The following DAG1 variants were observed in gnomAD, a reference collection of about 807,000 sequenced individuals.
DAG1 encodes the protein dystroglycan 1, also known as dystroglycan 1 (dystrophin-associated glycoprotein 1).
A neutral mutation model predicts 46.1 loss-of-function variants in DAG1; 8 were observed. That is an observed-to-expected ratio of 0.17 (90% CI 0.10 to 0.31). The LOEUF (loss-of-function observed/expected upper bound fraction) is 0.31. DAG1 is among the 10% of genes least tolerant of loss of function. DAG1 has a pLI of 1.00. For missense variants in DAG1, 1,003 were observed against 1,189.9 expected, an observed-to-expected ratio of 0.84 and a Z score of 2.31; for synonymous variants, 495 against 481.8, an observed-to-expected ratio of 1.03 and a Z score of -0.36.
At chr3:49,529,992 A>G (rs2051294948) in intron 2 of DAG1, among the ~76,000 whole-genome samples, 1 of 152,186 alleles carries the variant, frequency 6.6e-6, no homozygotes, top group Admixed American at 6.5e-5. Flanking sequence ...TGGTCTCTCC[A>G]AGGGCAGAAG....
rs71080522 is a variant in DAG1 at position 49,479,628 on chromosome 3, CTTTTTTTTTTTT to C, written c.-117+9211_-117+9222del. Among the ~76,000 whole-genome samples, 8 of 47,200 alleles carry C rather than the reference CTTTTTTTTTTTT, an allele frequency of 1.7e-4. No homozygotes were observed. The South Asian group carries it at 4.4e-3, about 26-fold the overall frequency. The allele number at this position is 47,200 out of a possible 152,430, so 31.0% of individuals were successfully genotyped here. On this transcript the variant is annotated intron_variant, in intron 1 of 2. Transcript: ENST00000308775. ...CTGCGCCGGCCTGAATATAACATTT[CTTTTTTTTTTTT>C]TTTTTTTTTTTTTTTGAGACCGAGT...
At chr3:49,528,760 T>C (rs921819710) in intron 2 of DAG1, among the ~76,000 whole-genome samples, 1 of 152,094 alleles carries the variant, frequency 6.6e-6, no homozygotes, top group Non-Finnish European at 1.5e-5. Flanking sequence ...GTTGATGCAA[T>C]GTGGTATCAC....
chr3:49,477,953 A>T (rs2049729219), intron 1 of DAG1, among the ~76,000 whole-genome samples: 1 of 147,040 alleles, frequency 6.8e-6, no homozygotes, highest in Admixed American at 6.9e-5. Flanking sequence ...CAAGAGTGAA[A>T]CTGCATCTCA....
Position 49,531,734 on chromosome 3 carries a change from C to T in DAG1, c.1223C>T (p.Pro408Leu), listed in dbSNP as rs2051353290. 6 of 1,614,108 alleles carry T rather than the reference C, an allele frequency of 3.7e-6. No homozygotes were observed. Among genetic ancestry groups the T allele is most frequent in the Non-Finnish European group, 5.1e-6 (6 of 1,180,016 alleles). Residue 408 changes from proline to leucine, a missense_variant, in exon 3 of 3, where the codon CCT becomes CTT. Coordinates refer to ENST00000308775, the MANE Select transcript of DAG1 (RefSeq NM_004393.6). This position sits in a 1 kb window ranked among gnomAD's most constrained non-coding sequence, Gnocchi z 7.0. ...CAGATTCGCCCAACGATGACCATTC[C>T]TGGCTATGTGGAGCCTACTGCAGTT... is the stretch of plus-strand genomic sequence containing the variant. ...PGQIRPTMTI[P>L]GYVEPTAVAT...
At chr3:49,522,473 C>G (rs1344410699) in intron 2 of DAG1, among the ~76,000 whole-genome samples, 2 of 139,202 alleles carry the variant, frequency 1.4e-5, no homozygotes, top group Non-Finnish European at 3.1e-5. Flanking sequence ...CCCCTCCCAC[C>G]CCTTTTTTTT....
At chr3:49,509,064 G>C (rs1246082283) in intron 1 of DAG1, among the ~76,000 whole-genome samples, 5 of 152,090 alleles carry the variant, frequency 3.3e-5, no homozygotes, top group African/African-American at 1.2e-4. Context: ...CCCATTTCCA[G>C]TTTACACGCA....
At chr3:49,499,542 A>G (rs913552428) in intron 1 of DAG1, among the ~76,000 whole-genome samples, 5 of 152,214 alleles carry the variant, frequency 3.3e-5, no homozygotes, top group Non-Finnish European at 5.9e-5. Context: ...ACATCTGTTG[A>G]GTGGAAAGCA....
At chr3:49,477,806 A>G (rs953976052) in intron 1 of DAG1, among the ~76,000 whole-genome samples, 4 of 151,966 alleles carry the variant, frequency 2.6e-5, no homozygotes, top group African/African-American at 7.3e-5. Context: ...TGATAAAAAT[A>G]CAAAAATTAG....
chr3:49,520,895 G>A (rs1222094874), intron 2 of DAG1, among the ~76,000 whole-genome samples: 1 of 152,058 alleles, frequency 6.6e-6, no homozygotes, highest in African/African-American at 2.4e-5. Context: ...TCATCTTGTG[G>A]GCCCTGAATG....
chr3:49,517,215 G>C (rs1214457451), intron 2 of DAG1, among the ~76,000 whole-genome samples: 1 of 151,700 alleles, frequency 6.6e-6, no homozygotes, highest in African/African-American at 2.4e-5. Context: ...GGATGGTCTC[G>C]ATCTCCTGAC....
At position 49,530,890 on chromosome 3, in the gene DAG1, G is replaced by A; in HGVS notation, c.379G>A (p.Gly127Ser). Residue 127 changes from glycine (G) to serine (S), a missense_variant, in exon 3 of 3, where the codon GGT (glycine) becomes AGT (serine). By Grantham distance (56) the Gly-to-Ser change is moderately conservative (BLOSUM62 0). Around this residue, in one of 3 missense-constraint regions of DAG1, gnomAD observed 196 missense variants for 239.1 expected, o/e 0.82. Transcript: ENST00000308775. The part of the protein sequence containing the change: ...LEGLPLDTDK[G>S]VHYISVSATR... ...GGGCCTCCCCCTTGACACTGATAAG[G>A]GTGTGCATTACATTTCAGTGAGCGC... is the stretch of plus-strand genomic sequence containing the variant. The A allele has an allele frequency of 1.9e-6, 3 of 1,614,130 alleles. No homozygotes were observed. Among genetic ancestry groups the A allele is most frequent in the Non-Finnish European group, 2.5e-6 (3 of 1,180,010 alleles).
At chr3:49,524,111 C>T (rs1289521546) in intron 2 of DAG1, among the ~76,000 whole-genome samples, 4 of 152,176 alleles carry the variant, frequency 2.6e-5, no homozygotes, top group Admixed American at 6.5e-5. Flanking sequence ...GGACTGAGGG[C>T]CTCCTGCTTT....
intron 1 of DAG1, chr3:49,492,875 A>C (rs1387974420): frequency 6.6e-6 from 1 of 151,566 alleles, no homozygotes; most frequent in Non-Finnish European, 1.5e-5. Flanking sequence ...GCATGGATTG[A>C]CTCCTACAGT....
intron 1 of DAG1, among the ~76,000 whole-genome samples, chr3:49,508,415 T>C (rs957360622): frequency 2.0e-5 from 3 of 152,064 alleles, no homozygotes; most frequent in Non-Finnish European, 4.4e-5. Context: ...TGTGTTGTTT[T>C]TGAGACAGGG....
At chr3:49,487,816 C>T (rs1406019200) in intron 1 of DAG1, among the ~76,000 whole-genome samples, 1 of 151,326 alleles carries the variant, frequency 6.6e-6, no homozygotes, top group African/African-American at 2.4e-5. Flanking sequence ...TCTCCTGCCT[C>T]GGCCTCCCCA....
In DAG1 at chr3:49,531,547, G is replaced by C; in HGVS notation, c.1036G>C (p.Ala346Pro). The C allele has an allele frequency of 1.2e-6, 2 of 1,610,760 alleles. No individual in the cohort carries two copies. Among genetic ancestry groups the C allele is most frequent in the Middle Eastern group, 1.7e-4 (1 of 6,056 alleles). ...GATCGTGCCAACCCCCACATCTCCA[G>C]CCATTGCTCCTCCAACAGAGACCAT... Reference protein sequence around the residue: ...SRIVPTPTSPAIAPPTETMAP... With the variant: ...SRIVPTPTSPPIAPPTETMAP... The change falls in exon 3 of 3, where the codon GCC becomes CCC. Residue 346 changes from alanine (A) to proline (P), a missense_variant. Coordinates refer to ENST00000308775, the MANE Select transcript of DAG1 (RefSeq NM_004393.6). This position sits in a 1 kb window ranked among gnomAD's most constrained non-coding sequence, Gnocchi z 7.0.
At chr3:49,487,921 C>T (rs2050081972) in intron 1 of DAG1, among the ~76,000 whole-genome samples, 1 of 151,874 alleles carries the variant, frequency 6.6e-6, no homozygotes, top group African/African-American at 2.4e-5. Context: ...CCAGGATGGT[C>T]TCGATCTCCT....
chr3:49,486,186 T>A (rs540976233), intron 1 of DAG1, among the ~76,000 whole-genome samples: 96 of 145,214 alleles, frequency 6.6e-4, no homozygotes, highest in African/African-American at 2.0e-3. Flanking sequence ...TTTCTTTTTC[T>A]TTTATTTATT....
intron 1 of DAG1, among the ~76,000 whole-genome samples, chr3:49,472,619 AACACGGTGAAACCCCCTCTCT>A (rs899553601): frequency 6.6e-6 from 1 of 152,024 alleles, no homozygotes; most frequent in African/African-American, 2.4e-5. Context: ...CATCCTGGCT[AACACGGTGAAACCCCCTCTCT>A]ACTAAAAATA....
Sources: gnomAD v4.1 joint callset for allele counts (sites outside exome capture counted in the v4.1 genomes callset) on GRCh38, gnomAD v4.1.1 for gene constraint, gnomAD v4.1.1 regional missense constraint, Gnocchi (gnomAD v3.1) non-coding constraint, MANE v1.5 for transcripts, NCBI Gene and HGNC (gene_info 2026-07-23, HGNC 2026-07-21) for gene names.